STRN3: variants seen among roughly 807,000 people sequenced by gnomAD.
The protein encoded by STRN3 is striatin-3.
A neutral mutation model predicts 95.6 loss-of-function variants in STRN3; 29 were observed. That is an observed-to-expected ratio of 0.30 (90% CI 0.23 to 0.41). The LOEUF is 0.41. Ranked by LOEUF, STRN3 falls within the 10% of genes least tolerant of loss-of-function variation. The pLI is 1.00. For missense variants in STRN3, 890 were observed against 972.1 expected (o/e 0.92, Z 1.12); for synonymous variants, 331 against 357.6 (o/e 0.93, Z 0.84).
At chr14:30,924,326 C>T (rs1421092042) in intron 8 of STRN3, among the ~76,000 whole-genome samples, 4 of 117,456 alleles carry the variant, frequency 3.4e-5, no homozygotes, top group African/African-American at 6.9e-5. Flanking sequence ...CTCCCTCTGT[C>T]GCCCAGGCTG....
intron 1 of STRN3, among the ~76,000 whole-genome samples, chr14:30,977,890 C>T (rs1881193068): frequency 6.6e-6 from 1 of 151,258 alleles, no homozygotes; most frequent in South Asian, 2.1e-4. Flanking sequence ...TAGCTTAATG[C>T]CCACAAATTT....
intron 8 of STRN3, among the ~76,000 whole-genome samples, chr14:30,925,185 G>C (rs1896993584): frequency 7.1e-6 from 1 of 140,442 alleles, no homozygotes; most frequent in South Asian, 2.6e-4. Context: ...TACGTTCCAA[G>C]ACAAGGCTGT....
At position 30,984,162 on chromosome 14, in the gene STRN3, T is replaced by C. The variant is rs568169677; in HGVS notation, c.283-27920A>G. Among the ~76,000 whole-genome samples, 3 of 97,508 alleles carry C rather than the reference T, an allele frequency of 3.1e-5. No individual in the cohort carries two copies. The South Asian group carries it at 1.2e-3, about 39-fold the overall frequency. 64.0% of individuals were successfully genotyped at this position (97,508 alleles called of 152,430 possible). On this transcript the variant is annotated intron_variant, in intron 1 of 17. Transcript: ENST00000357479. ...ACCCCCCCCCACACACAAAGGCCTA[T>C]AAAAAGGTTTAAATGTATTTCTTTT...
intron 8 of STRN3, among the ~76,000 whole-genome samples, chr14:30,921,449 A>T (rs1896883310): frequency 6.6e-6 from 1 of 152,150 alleles, no homozygotes; most frequent in South Asian, 2.1e-4. Context: ...TTTACATACT[A>T]TAGCCTGATA....
chr14:30,904,096 C>T (rs1896398187), intron 15 of STRN3, among the ~76,000 whole-genome samples: 1 of 152,174 alleles, frequency 6.6e-6, no homozygotes, highest in African/African-American at 2.4e-5. Context: ...AGGATCAACT[C>T]AACAGCCTAG....
chr14:30,937,457 C>T (rs1878877826), intron 5 of STRN3, among the ~76,000 whole-genome samples: 1 of 152,160 alleles, frequency 6.6e-6, no homozygotes, highest in Non-Finnish European at 1.5e-5. Context: ...ACTTTTAAGT[C>T]TTGCAGAATC....
chr14:30,952,021 G>A (rs1336081013), intron 3 of STRN3, among the ~76,000 whole-genome samples: 1 of 152,100 alleles, frequency 6.6e-6, no homozygotes, highest in Admixed American at 6.5e-5. Flanking sequence ...GGGAGGCTGA[G>A]GCAAAAGGAT....
At chr14:30,979,987 G>A (rs527418660) in intron 1 of STRN3, among the ~76,000 whole-genome samples, 103 of 93,252 alleles carry the variant, frequency 1.1e-3, no homozygotes, top group African/African-American at 3.3e-3. Flanking sequence ...GGTGGCTCAC[G>A]CCTGTAATCC....
At chr14:30,911,365 G>T (rs138348670) in intron 12 of STRN3, among the ~76,000 whole-genome samples, 101 of 142,802 alleles carry the variant, frequency 7.1e-4, no homozygotes, top group African/African-American at 2.4e-3. Context: ...ATGCAGTGGT[G>T]ATCTCTGCTC....
chr14:31,026,188 T>A lies in STRN3; in HGVS notation c.-3A>T. 2.1e-6 allele frequency: 3 copies of A among 1,439,420 alleles called. No homozygotes were observed. The highest frequency in any genetic ancestry group is 2.7e-6 in the Non-Finnish European group (3 of 1,106,204). 89.2% of individuals were successfully genotyped at this position (1,439,420 alleles called of 1,614,324 possible). The stretch of plus-strand genomic sequence containing the variant: ...CCGCCTCCGGCAAGCTCGTCCATTG[T>A]GTGTGGGGCCCCGGCCGGGGCGCAG... On this transcript the variant is annotated 5_prime_UTR_variant, in exon 1 of 18. Transcript: ENST00000357479.
chr14:30,930,977 G>T (rs897763743), intron 7 of STRN3, among the ~76,000 whole-genome samples: 1 of 152,012 alleles, frequency 6.6e-6, no homozygotes, highest in Admixed American at 6.6e-5. Flanking sequence ...AAATTAGATA[G>T]AACAGAAAAA....
intron 6 of STRN3, among the ~76,000 whole-genome samples, 195 bp downstream of exon 6, chr14:30,936,300 C>T (rs1006662031): frequency 2.0e-5 from 3 of 152,052 alleles, no homozygotes; most frequent in African/African-American, 7.2e-5. Context: ...CTTTTCTTGC[C>T]CATTTAGTGA....
At chr14:30,996,660 G>A (rs2378815) in intron 1 of STRN3, among the ~76,000 whole-genome samples, 16,231 of 152,128 alleles carry the variant, frequency 0.11, 1,049 homozygotes, top group South Asian at 0.29. Flanking sequence ...GAGGTCAGGA[G>A]ATCAAGACCA....
chr14:30,996,448 C>T (rs1400479001), intron 1 of STRN3, among the ~76,000 whole-genome samples: 1 of 152,160 alleles, frequency 6.6e-6, no homozygotes, highest in East Asian at 1.9e-4. Flanking sequence ...TTGGGCTTTG[C>T]ATCATTTCAT....
chr14:31,016,324 G>T (rs893017129), intron 1 of STRN3, among the ~76,000 whole-genome samples: 4 of 152,056 alleles, frequency 2.6e-5, no homozygotes, highest in Non-Finnish European at 5.9e-5. Context: ...TCCAAAAGGT[G>T]AACAAACTGT....
intron 1 of STRN3, among the ~76,000 whole-genome samples, chr14:31,016,197 A>G (rs1049717776): frequency 6.6e-6 from 1 of 151,944 alleles, no homozygotes; most frequent in African/African-American, 2.4e-5. Flanking sequence ...CAACAATCAC[A>G]CTCCCTGGTA....
In STRN3 at chr14:30,921,259, ATAATT is replaced by A. The variant is rs138951952; in HGVS notation, c.1100-2158_1100-2154del. ...GACTTTATTAAATACTACCTTGTAA[ATAATT>A]TAATTATATGATAGTTAATGTGAAA... On this transcript the variant is annotated intron_variant, in intron 8 of 17. Transcript: ENST00000357479. Among the ~76,000 whole-genome samples the A allele has an allele frequency of 1.7e-3, 258 of 152,292 alleles. 3 individuals are homozygous for A. In the East Asian group the frequency reaches 0.023, roughly 13 times the overall value.
At chr14:30,991,901 C>T (rs1881972401) in intron 1 of STRN3, among the ~76,000 whole-genome samples, 1 of 146,194 alleles carries the variant, frequency 6.8e-6, no homozygotes, top group Admixed American at 6.9e-5. Flanking sequence ...GCCTAGTCAA[C>T]ATAGCAAGAC....
chr14:30,907,010 A>G lies in STRN3; in HGVS notation c.1755T>C (p.His585=), dbSNP rs993001437. The change falls in exon 14 of 18, where the codon CAT becomes CAC. Residue 585 remains histidine, a synonymous_variant. Transcript: ENST00000357479. ...AAGCAAGACCCCAAACTGCATCTGTATGACCAACTAAAGTGCCAGCTAGAA... is the reference window on the plus strand; with the variant it reads ...AAGCAAGACCCCAAACTGCATCTGTGTGACCAACTAAAGTGCCAGCTAGAA... The part of the protein sequence containing the change: ...PNVLAGTLVG[H]TDAVWGLAYS... The G allele has an allele frequency of 3.1e-6, 5 of 1,613,696 alleles. No individual in the cohort carries two copies. In the African/African-American group the frequency reaches 5.3e-5, roughly 17 times the overall value.
Sources: gnomAD v4.1 joint callset for allele counts (sites outside exome capture counted in the v4.1 genomes callset) on GRCh38, gnomAD v4.1.1 for gene constraint, MANE v1.5 for transcripts, NCBI Gene and HGNC (gene_info 2026-07-23, HGNC 2026-07-21) for gene names.